The following SKI variants were observed in gnomAD, a reference collection of about 807,000 sequenced individuals.
The protein encoded by SKI is SKI proto-oncogene.
A neutral mutation model predicts 59.3 loss-of-function variants in SKI; 23 were observed. The observed-to-expected ratio is 0.39, with a 90% CI of 0.28 to 0.55. The LOEUF (loss-of-function observed/expected upper bound fraction) is 0.55. Among genes scored for constraint, SKI ranks in the 20% least tolerant of loss-of-function variants. The pLI is 0.67. For missense variants in SKI, 1,017 were observed against 1,038.9 expected (o/e 0.98, Z 0.29); for synonymous variants, 673 against 488.6 (o/e 1.38, Z -4.98).
chr1:2,240,801 C>T (rs549647538), intron 1 of SKI: 10 of 985,246 alleles, frequency 1.0e-5, no homozygotes, highest in South Asian at 9.4e-5. Context: ...AGGTGAGAGG[C>T]GCGAGAAACC....
In SKI at chr1:2,267,666, C is replaced by T. The variant is rs1330138420; in HGVS notation, c.970-35312C>T. Among the ~76,000 whole-genome samples the T allele has an allele frequency of 1.3e-5, 2 of 151,930 alleles. No homozygotes were observed. Among genetic ancestry groups the T allele is most frequent in the South Asian group, 2.1e-4 (1 of 4,818 alleles). On this transcript the variant is annotated intron_variant, in intron 1 of 6. Transcript: ENST00000378536. The surrounding 1 kb of genome is among the most constrained non-coding windows in gnomAD (Gnocchi z 4.1). ...GCCTGGGAAAGGCTTGTTGTGGGGG[C>T]GGGGGGCGCACCACACTTCAGGGAT...
At chr1:2,260,992 C>T (rs970853980) in intron 1 of SKI, among the ~76,000 whole-genome samples, 1 of 152,098 alleles carries the variant, frequency 6.6e-6, no homozygotes, top group African/African-American at 2.4e-5. Context: ...TTTTTGTGTG[C>T]AATGCAAGGT....
At chr1:2,231,067 C>T (rs974848835) in intron 1 of SKI, among the ~76,000 whole-genome samples, 2 of 152,058 alleles carry the variant, frequency 1.3e-5, no homozygotes, top group East Asian at 1.9e-4. Context: ...GAAGGATGCT[C>T]GTGGCAGAGC....
chr1:2,267,905 G>A lies in SKI; in HGVS notation c.970-35073G>A, dbSNP rs1378431610. ...CAGCTTGAACCTCAGGCCACCTCCA[G>A]TGGGAGGCTGGAGGTCCTGTGTGCC... On this transcript the variant is annotated intron_variant, in intron 1 of 6. Transcript: ENST00000378536. The surrounding 1 kb of genome is among the most constrained non-coding windows in gnomAD (Gnocchi z 4.1). Among the ~76,000 whole-genome samples, 2 of 152,218 alleles carry A rather than the reference G, an allele frequency of 1.3e-5. No individual in the cohort carries two copies. Among genetic ancestry groups the A allele is most frequent in the Non-Finnish European group, 1.5e-5 (1 of 68,034 alleles).
At position 2,309,698 on chromosome 1, in the gene SKI, A is replaced by G. The variant is rs1442347865; in HGVS notation, c.*2933A>G. 1 of 13,942 alleles carries G rather than the reference A, an allele frequency of 7.2e-5. No individual in the cohort carries two copies. Among genetic ancestry groups the G allele is most frequent in the Non-Finnish European group, 1.2e-4 (1 of 8,040 alleles). The allele number at this position is 13,942 out of a possible 1,614,324, so 0.9% of individuals were successfully genotyped here. On this transcript the variant is annotated 3_prime_UTR_variant, in exon 7 of 7. Transcript: ENST00000378536. ...CACCTCCTCCTCCCTGTGGGTCCGAACCCCGGCCCCCCCACCCCCTCCTCC... is the reference window on the plus strand; with the variant it reads ...CACCTCCTCCTCCCTGTGGGTCCGAGCCCCGGCCCCCCCACCCCCTCCTCC...
Position 2,229,654 on chromosome 1 carries a change from G to C in SKI, c.888G>C (p.Glu296Asp). The change falls in exon 1 of 7, where the codon GAG becomes GAC. Residue 296 changes from glutamate to aspartate, a missense_variant. Physicochemically the swap from Glu to Asp is conservative, Grantham distance 45. Transcript: ENST00000378536. The surrounding 1 kb of genome is among the most constrained non-coding windows in gnomAD (Gnocchi z 6.3). ...GCCAGGATTACACGGGCAAGGAGGA[G>C]CAGGCGCGCCTCGGCCGCTGCCTGG... ...LLSQDYTGKE[E>D]QARLGRCLDD... 1 of 1,611,766 alleles carries C rather than the reference G, an allele frequency of 6.2e-7. No individual in the cohort carries two copies. The highest frequency in any genetic ancestry group is 8.5e-7 in the Non-Finnish European group (1 of 1,179,522).
chr1:2,260,529 C>CTTTTTCTTTT (rs1639362121), intron 1 of SKI, among the ~76,000 whole-genome samples: 2 of 51,342 alleles, frequency 3.9e-5, no homozygotes, highest in Non-Finnish European at 7.7e-5. Flanking sequence ...TCAGTTTGTT[C>CTTTTTCTTTT]TTTTTCTTTT....
Position 2,297,241 on chromosome 1 carries a change from G to A in SKI, c.970-5737G>A, listed in dbSNP as rs577973447. Among the ~76,000 whole-genome samples, 11 of 152,270 alleles carry A rather than the reference G, an allele frequency of 7.2e-5. 1 individual carries two copies. In the South Asian group the frequency reaches 2.3e-3, roughly 32 times the overall value. On this transcript the variant is annotated intron_variant, in intron 1 of 6. Transcript: ENST00000378536. ...CCCACCTCAGCCTCCCAAGGAGCTGGCATTACAGGCATAAGCCACCACGCC... is the reference window on the plus strand; with the variant it reads ...CCCACCTCAGCCTCCCAAGGAGCTGACATTACAGGCATAAGCCACCACGCC...
At chr1:2,250,309 C>T (rs11584896) in intron 1 of SKI, among the ~76,000 whole-genome samples, 9,193 of 152,274 alleles carry the variant, frequency 0.06, 336 homozygotes, top group Middle Eastern at 0.15. Flanking sequence ...GCCCTCGTGC[C>T]GCTCTCTGGC....
At position 2,306,742 on chromosome 1, in the gene SKI, GGC is replaced by G; in HGVS notation, c.2167_2168del (p.Ala723CysfsTer105). 2.0e-6 allele frequency: 3 copies of G among 1,527,848 alleles called. No homozygotes were observed. The highest frequency in any genetic ancestry group is 1.8e-6 in the Non-Finnish European group (2 of 1,139,948). 94.6% of individuals were successfully genotyped at this position (1,527,848 alleles called of 1,614,324 possible). ...RARPEAAGSE[G>X]AAELEP Reference sequence around the variant, plus strand: ...CCGCCCCGAGGCTGCGGGCAGCGAGGGCGCTGCGGAGCTGGAGCCGTAGATTC... The same window carrying G: ...CCGCCCCGAGGCTGCGGGCAGCGAGGGCTGCGGAGCTGGAGCCGTAGATTC... On this transcript the variant is annotated frameshift_variant, in exon 7 of 7. Transcript: ENST00000378536. LOFTEE classifies it high-confidence loss of function.
At chr1:2,231,541 T>A (rs1487255488) in intron 1 of SKI, among the ~76,000 whole-genome samples, 1 of 152,180 alleles carries the variant, frequency 6.6e-6, no homozygotes, top group African/African-American at 2.4e-5. Flanking sequence ...TGGGCCGCCA[T>A]AGAGACAGGC....
chr1:2,290,814 C>T (rs78623823), intron 1 of SKI, among the ~76,000 whole-genome samples: 21 of 152,322 alleles, frequency 1.4e-4, no homozygotes, highest in Admixed American at 3.3e-4. Flanking sequence ...CCCCTCCTGC[C>T]GCTCTTACGA....
At chr1:2,287,658 C>G (rs1463457429) in intron 1 of SKI, among the ~76,000 whole-genome samples, 1 of 152,074 alleles carries the variant, frequency 6.6e-6, no homozygotes, top group Admixed American at 6.5e-5. Flanking sequence ...CTACGAGGGT[C>G]TGCCGCAGGG....
chr1:2,290,564 G>C (rs1453544370), intron 1 of SKI, among the ~76,000 whole-genome samples: 1 of 151,884 alleles, frequency 6.6e-6, no homozygotes, highest in Non-Finnish European at 1.5e-5. Context: ...CAGAGCTTCT[G>C]ACCTCATCAG....
chr1:2,303,120 C>A lies in SKI; in HGVS notation c.1095+17C>A, dbSNP rs779798811. 6.2e-7 allele frequency: 1 copy of A among 1,612,978 alleles called. No individual in the cohort carries two copies. On this transcript the variant is annotated intron_variant, in intron 2 of 6. Transcript: ENST00000378536. This position sits in a 1 kb window ranked among gnomAD's most constrained non-coding sequence, Gnocchi z 5.6. ...TCCAATAAGGTGCTGTGGGGCCTGT[C>A]GGGGTCCTTGGGGTGGTGGGTACTG...
intron 1 of SKI, among the ~76,000 whole-genome samples, chr1:2,291,630 C>G (rs1290416611): frequency 6.6e-6 from 1 of 151,628 alleles, no homozygotes; most frequent in Non-Finnish European, 1.5e-5. Context: ...CTCTGCAGCC[C>G]CCACCCTCCT....
intron 1 of SKI, among the ~76,000 whole-genome samples, chr1:2,285,446 C>T (rs376401926): frequency 2.0e-5 from 3 of 150,768 alleles, no homozygotes; most frequent in African/African-American, 4.9e-5. Context: ...ACCTGGGAGG[C>T]GGAGGTTGCA....
rs369666768 is a variant in SKI, at chr1:2,238,802, G to A, written c.969+9067G>A. 4.8e-4 allele frequency among the ~76,000 whole-genome samples: 73 copies of A among 152,350 alleles called. 2 individuals carry two copies. The highest frequency in any genetic ancestry group is 4.4e-3 in the East Asian group (23 of 5,180). Reference sequence around the variant, plus strand: ...TGTGTGCAGAACCTCCGCTGTCAGCGGGCCAGGCCACACTGGGGAGGGAGG... The same window carrying A: ...TGTGTGCAGAACCTCCGCTGTCAGCAGGCCAGGCCACACTGGGGAGGGAGG... On this transcript the variant is annotated intron_variant, in intron 1 of 6. Transcript: ENST00000378536.
chr1:2,303,751 T>G lies in SKI; in HGVS notation c.1212-89T>G, dbSNP rs1640487312. 1 of 1,518,482 alleles carries G rather than the reference T, an allele frequency of 6.6e-7. No individual in the cohort carries two copies. Among genetic ancestry groups the G allele is most frequent in the Non-Finnish European group, 9.0e-7 (1 of 1,112,632 alleles). The allele number at this position is 1,518,482 out of a possible 1,614,324, so 94.1% of individuals were successfully genotyped here. On this transcript the variant is annotated intron_variant, in intron 3 of 6. Coordinates refer to ENST00000378536, the MANE Select transcript of SKI (RefSeq NM_003036.4). This position sits in a 1 kb window ranked among gnomAD's most constrained non-coding sequence, Gnocchi z 5.6. ...CGGAGCTGGGAAAGTCTTTCCTGTT[T>G]AACACCTTCAGAGGGGGTGTGCGCC... is the stretch of plus-strand genomic sequence containing the variant.
Sources: gnomAD v4.1 joint callset for allele counts (sites outside exome capture counted in the v4.1 genomes callset) on GRCh38, gnomAD v4.1.1 for gene constraint, Gnocchi (gnomAD v3.1) non-coding constraint, MANE v1.5 for transcripts, NCBI Gene and HGNC (gene_info 2026-07-23, HGNC 2026-07-21) for gene names.